Variants in FAAP20 observed in about 807,000 individuals in gnomAD.
The protein encoded by FAAP20 is Fanconi anemia core complex-associated protein 20.
FAAP20 carries 12 observed loss-of-function variants against 16.2 expected under a neutral mutation model. The observed-to-expected ratio is 0.74, with a 90% CI of 0.48 to 1.20. The LOEUF (loss-of-function observed/expected upper bound fraction) is 1.20. FAAP20 is among the 50% of genes most tolerant of loss of function. FAAP20 has a pLI of 0.00. For synonymous variants in FAAP20, 141 were observed against 110.7 expected (o/e 1.27, Z -1.72); for missense variants, 288 against 245.8 (o/e 1.17, Z -1.15).
chr1:2,205,146 C>A (rs1373038197), intron 3 of FAAP20, among the ~76,000 whole-genome samples: 1 of 28,502 alleles, frequency 3.5e-5, no homozygotes, highest in Non-Finnish European at 6.9e-5. Flanking sequence ...CCCTCAATCC[C>A]CGCCCCTCCC....
At chr1:2,186,403 G>A (rs1687596263), downstream of FAAP20, among the ~76,000 whole-genome samples, 1 of 152,138 alleles carries the variant, frequency 6.6e-6, no homozygotes, top group Non-Finnish European at 1.5e-5. Flanking sequence ...ACGACATGGT[G>A]GATTCACACC....
chr1:2,189,402 A>C, downstream of FAAP20: 2 of 433,464 alleles, frequency 4.6e-6, no homozygotes, highest in South Asian at 5.7e-5. Context: ...AAGTTAGGAA[A>C]ACGAGCTACC....
intron 1 of FAAP20, 97 bp from the exon 2 acceptor site, chr1:2,194,230 T>TG (rs1003106101): frequency 6.4e-6 from 9 of 1,395,656 alleles, no homozygotes; most frequent in African/African-American, 1.8e-5. Context: ...AGCGGGGAGA[T>TG]GGGGGGTACT....
At chr1:2,205,570 C>T (rs1016103175) in intron 3 of FAAP20, among the ~76,000 whole-genome samples, 2 of 152,106 alleles carry the variant, frequency 1.3e-5, no homozygotes, top group African/African-American at 4.8e-5. Flanking sequence ...AGCGTGCAGT[C>T]GCCGCCTGCG....
chr1:2,189,848 G>T, intron 3 of FAAP20, 67 bp from the exon 4 acceptor site: 1 of 1,241,166 alleles, frequency 8.1e-7, no homozygotes, highest in Non-Finnish European at 1.2e-6. Context: ...AGCACCGTCT[G>T]GACCTCCGGG....
intron 3 of FAAP20, chr1:2,193,435 A>C: frequency 2.6e-6 from 2 of 784,028 alleles, no homozygotes; most frequent in South Asian, 4.0e-5. Flanking sequence ...TGCCCTGCCC[A>C]CAGAGCACGG....
chr1:2,194,236 G>C (rs575406263), intron 1 of FAAP20, 103 bp from the exon 2 acceptor site: 2 of 1,441,318 alleles, frequency 1.4e-6, no homozygotes, highest in African/African-American at 1.5e-5. Context: ...GAGATGGGGG[G>C]TACTAGAGGG....
At chr1:2,196,411 A>G (rs889180917), upstream of FAAP20, among the ~76,000 whole-genome samples, 1 of 152,100 alleles carries the variant, frequency 6.6e-6, no homozygotes, top group African/African-American at 2.4e-5. The surrounding 1 kb of genome is among the most constrained non-coding windows in gnomAD (Gnocchi z 4.5). Context: ...ATAAAAAATT[A>G]GCTGGGCATG....
At chr1:2,187,672 G>A (rs1369160755), downstream of FAAP20, among the ~76,000 whole-genome samples, 1 of 152,208 alleles carries the variant, frequency 6.6e-6, no homozygotes, top group African/African-American at 2.4e-5. Context: ...AGCAGAAGGT[G>A]CAGCCAAGTC....
chr1:2,184,915 C>T, downstream of FAAP20: 12 of 1,612,702 alleles, frequency 7.4e-6, no homozygotes, highest in Non-Finnish European at 1.0e-5. Context: ...GCCACCTTTG[C>T]CCACAGGGAT....
chr1:2,184,606 T>A (rs958023599), downstream of FAAP20: 2 of 1,613,980 alleles, frequency 1.2e-6, no homozygotes, highest in East Asian at 2.2e-5. Context: ...AGGCGCTCCC[T>A]CCATTCCAGC....
At chr1:2,187,283 T>G (rs60221056), downstream of FAAP20, 6,836 of 414,454 alleles carry the variant, frequency 0.016, 394 homozygotes, top group African/African-American at 0.13. Flanking sequence ...TGAAGCCATT[T>G]TCTTTTTTTT....
At chr1:2,197,044 T>G (rs576980110), upstream of FAAP20, among the ~76,000 whole-genome samples, 42 of 152,194 alleles carry the variant, frequency 2.8e-4, no homozygotes, top group African/African-American at 9.9e-4. Context: ...TCCAGTGCCC[T>G]CCTGCCATGG....
At chr1:2,190,072 A>T in intron 3 of FAAP20, 1 of 580,984 alleles carries the variant, frequency 1.7e-6, no homozygotes, top group Non-Finnish European at 3.3e-6. Flanking sequence ...GCGCCTGCTC[A>T]GCTTGAGAAC....
At chr1:2,201,725 A>T (rs1193415015), upstream of FAAP20, among the ~76,000 whole-genome samples, 2 of 151,180 alleles carry the variant, frequency 1.3e-5, no homozygotes, top group Non-Finnish European at 2.9e-5. Flanking sequence ...CCAACTCAAA[A>T]AAAACAAAAA....
upstream of FAAP20, chr1:2,200,761 A>T: frequency 7.0e-6 from 7 of 995,618 alleles, no homozygotes; most frequent in Non-Finnish European, 8.4e-6. Context: ...TCTCCTGTCC[A>T]CCACACCCGG....
chr1:2,210,012 C>A (rs1382074788), downstream of FAAP20, among the ~76,000 whole-genome samples: 1 of 152,212 alleles, frequency 6.6e-6, no homozygotes, highest in Non-Finnish European at 1.5e-5. Context: ...CAGCACCTCA[C>A]CCTGGAATGC....
rs1688573522 is a variant in FAAP20, at chr1:2,194,065, A to C, written c.131T>G (p.Leu44Arg). Residue 44 changes from leucine to arginine, a missense_variant, in exon 2 of 4, where the codon CTG (leucine) becomes CGG (arginine). Coordinates refer to ENST00000378546, the MANE Select transcript of FAAP20 (RefSeq NM_182533.4). ...GATCAGCTCCGGGCTCACCGTGCGCAGTAGCTCGGCCCAGAGCCGCTCCCG... is the reference window on the plus strand; with the variant it reads ...GATCAGCTCCGGGCTCACCGTGCGCCGTAGCTCGGCCCAGAGCCGCTCCCG... ...DERERLWAELLRTVSPELILD... is the reference protein window; with the variant it reads ...DERERLWAELRRTVSPELILD... 3 of 1,612,632 alleles carry C rather than the reference A, an allele frequency of 1.9e-6. No homozygotes were observed. The highest frequency in any genetic ancestry group is 2.5e-6 in the Non-Finnish European group (3 of 1,179,962).
chr1:2,205,750 G>C (rs1275841674), intron 3 of FAAP20, among the ~76,000 whole-genome samples: 1 of 152,244 alleles, frequency 6.6e-6, no homozygotes, highest in Non-Finnish European at 1.5e-5. Context: ...GCGCGCCCGG[G>C]GACTGGAAGG....
Sources: allele counts gnomAD v4.1 joint callset (sites outside exome capture counted in the v4.1 genomes callset), GRCh38; gene constraint gnomAD v4.1.1; non-coding constraint Gnocchi (gnomAD v3.1); transcripts MANE v1.5; gene names NCBI Gene and HGNC (gene_info 2026-07-23, HGNC 2026-07-21).